Variants in DOC2B observed in about 807,000 individuals in gnomAD.
The protein encoded by DOC2B is double C2 domain beta.
Under a neutral mutation model 28.9 loss-of-function variants are expected in DOC2B, and 21 were observed. The observed-to-expected ratio is 0.73, with a 90% CI of 0.52 to 1.05. The LOEUF is 1.05. Ranked by LOEUF, DOC2B falls within the 50% of genes least tolerant of loss-of-function variation. The probability of loss-of-function intolerance (pLI) is 0.00; values close to 1 mark genes in which losing one functional copy is unlikely to be tolerated. For synonymous variants in DOC2B, 194 were observed against 178.1 expected (o/e 1.09, Z -0.71); for missense variants, 384 against 421.1 (o/e 0.91, Z 0.77).
Position 164,217 on chromosome 17 carries a change from G to C in DOC2B, c.454-13C>G, listed in dbSNP as rs2294075. 0.85 allele frequency: 1,312,593 copies of C among 1,545,254 alleles called. 558,991 individuals carry two copies. Among genetic ancestry groups the C allele is most frequent in the East Asian group, 0.9 (36,678 of 40,866 alleles). ...TTGGCTTCAGGCCCTGGGCAGAGAA[G>C]AGCAAACGGTGTGAACTGGAAATCG... is the stretch of plus-strand genomic sequence containing the variant. On this transcript the variant is annotated splice_polypyrimidine_tract_variant and intron_variant, in intron 2 of 8. Coordinates refer to ENST00000613549, the MANE Select transcript of DOC2B (RefSeq NM_003585.5).
rs1200076725 is a variant in DOC2B at position 147,549 on chromosome 17, C to T, written c.1131G>A (p.Lys377=). 5.0e-6 allele frequency: 2 copies of T among 398,752 alleles called. No individual in the cohort carries two copies. Among genetic ancestry groups the T allele is most frequent in the Non-Finnish European group, 8.8e-6 (2 of 226,248 alleles). The allele number at this position is 398,752 out of a possible 1,614,324, so 24.7% of individuals were successfully genotyped here. Residue 377 remains lysine, a synonymous_variant, in exon 9 of 9, where the codon AAG becomes AAA. Transcript: ENST00000613549. ...CAAACCAGTGCTTCAGGCGCTCCCC[C>T]TTGGCGTGGATGCCCAGAACCACAC... ...IGGVVLGIHA[K]GERLKHWFDC...
At chr17:158,380 T>G (rs2040160666) in intron 5 of DOC2B, among the ~76,000 whole-genome samples, 1 of 152,004 alleles carries the variant, frequency 6.6e-6, no homozygotes, top group Non-Finnish European at 1.5e-5. Context: ...CCCAGCCACC[T>G]CCTTTTGCCC....
chr17:163,397 G>A (rs1034121173), intron 3 of DOC2B: 1 of 152,158 alleles, frequency 6.6e-6, no homozygotes, highest in African/African-American at 2.4e-5. Flanking sequence ...GGTCCTCCTG[G>A]GCTGCTGTGG....
intron 7 of DOC2B, 123 bp from the exon 8 acceptor site, chr17:148,392 T>C: frequency 2.5e-6 from 1 of 397,212 alleles, no homozygotes; most frequent in Non-Finnish European, 4.4e-6. Context: ...GAGTGGATGA[T>C]GGGTGGATGC....
At position 181,086 on chromosome 17, in the gene DOC2B, G is replaced by C; in HGVS notation, c.373+21C>G. 1 of 1,236,246 alleles carries C rather than the reference G, an allele frequency of 8.1e-7. No homozygotes were observed. Among genetic ancestry groups the C allele is most frequent in the Non-Finnish European group, 1.0e-6 (1 of 987,852 alleles). 76.6% of individuals were successfully genotyped at this position (1,236,246 alleles called of 1,614,324 possible). ...CCCGAGCCAGGGGAGGGGGCGCGAA[G>C]TCGGCGCGTGGGAAACTTACTGCAG... On this transcript the variant is annotated intron_variant, in intron 1 of 8. Coordinates refer to ENST00000613549, the MANE Select transcript of DOC2B (RefSeq NM_003585.5). This position sits in a 1 kb window ranked among gnomAD's most constrained non-coding sequence, Gnocchi z 7.0.
chr17:149,681 T>A (rs1332338623), intron 6 of DOC2B, among the ~76,000 whole-genome samples: 1 of 152,172 alleles, frequency 6.6e-6, no homozygotes, highest in African/African-American at 2.4e-5. Flanking sequence ...AATTTTTGTA[T>A]TTTCAGTAGA....
At chr17:173,463 G>T (rs376294884) in intron 1 of DOC2B, among the ~76,000 whole-genome samples, 1 of 152,226 alleles carries the variant, frequency 6.6e-6, no homozygotes, top group Non-Finnish European at 1.5e-5. Flanking sequence ...CTCCCAGGCT[G>T]CAGGGCTGGT....
At chr17:151,376 T>C (rs541481054) in intron 6 of DOC2B, among the ~76,000 whole-genome samples, 2 of 152,350 alleles carry the variant, frequency 1.3e-5, no homozygotes, top group African/African-American at 4.8e-5. Context: ...GATTTTTTCA[T>C]ATTTTGTAAT....
Position 181,319 on chromosome 17 carries a change from G to T in DOC2B, c.161C>A (p.Ala54Glu). The T allele has an allele frequency of 8.6e-7, 1 of 1,161,880 alleles. No individual in the cohort carries two copies. The highest frequency in any genetic ancestry group is 1.1e-6 in the Non-Finnish European group (1 of 943,638). 72.0% of individuals were successfully genotyped at this position (1,161,880 alleles called of 1,614,324 possible). A position where few individuals can be genotyped will look rare whatever the true frequency, so the allele number is the denominator to read the frequency against. The change falls in exon 1 of 9, where the codon GCA becomes GAA. Residue 54 changes from alanine (A) to glutamate (E), a missense_variant. Ala to Glu is a moderately radical substitution (Grantham distance 107). Transcript: ENST00000613549. This position sits in a 1 kb window ranked among gnomAD's most constrained non-coding sequence, Gnocchi z 7.0. ...CGGGCGCGCGGGGGCGTCCGGGGGT[G>T]CAGCGGCTCGGGGCCCGGCGTCCGG... is the stretch of plus-strand genomic sequence containing the variant. The part of the protein sequence containing the change: ...LPPDAGPRAA[A>E]PPDAPARPAV...
At chr17:176,402 C>T (rs568796030) in intron 1 of DOC2B, among the ~76,000 whole-genome samples, 313 of 129,482 alleles carry the variant, frequency 2.4e-3, no homozygotes, top group African/African-American at 8.9e-3. Flanking sequence ...GCGGGGGGTG[C>T]GGGGGGGTAG....
chr17:181,126 G>T lies in DOC2B; in HGVS notation c.354C>A (p.Gly118=). 2 of 1,253,194 alleles carry T rather than the reference G, an allele frequency of 1.6e-6. No individual in the cohort carries two copies. Among genetic ancestry groups the T allele is most frequent in the Non-Finnish European group, 2.0e-6 (2 of 999,262 alleles). The allele number at this position is 1,253,194 out of a possible 1,614,324, so 77.6% of individuals were successfully genotyped here. ...ACTTACTGCAGTCGTCCGACTCGTA[G>T]CCGTCGGCGTCCGGCTCGTCCTCCG... The part of the protein sequence containing the change: ...KPPEDEPDAD[G]YESDDCTALG... Residue 118 remains glycine (G), a synonymous_variant, in exon 1 of 9, where the codon GGC becomes GGA. Transcript: ENST00000613549. This position sits in a 1 kb window ranked among gnomAD's most constrained non-coding sequence, Gnocchi z 7.0.
rs1487519780 is a variant in DOC2B, at chr17:164,197, T to C, written c.461A>G (p.Lys154Arg). ...TGCCAGCCCATTGTGGTCCATTGGC[T>C]TCAGGCCCTGGGCAGAGAAGAGCAA... ...HCTITKAKGL[K>R]PMDHNGLADP... is the part of the protein sequence containing the mutation. The change falls in exon 3 of 9, where the codon AAG becomes AGG. Residue 154 changes from lysine (K) to arginine (R), a missense_variant. By Grantham distance (26) the Lys-to-Arg change is conservative. Coordinates refer to ENST00000613549, the MANE Select transcript of DOC2B (RefSeq NM_003585.5). 7.1e-6 allele frequency: 11 copies of C among 1,552,786 alleles called. No individual in the cohort carries two copies. Among genetic ancestry groups the C allele is most frequent in the African/African-American group, 1.4e-5 (1 of 73,228 alleles).
At chr17:176,961 G>T (rs566563100) in intron 1 of DOC2B, among the ~76,000 whole-genome samples, 1 of 151,504 alleles carries the variant, frequency 6.6e-6, no homozygotes, top group Non-Finnish European at 1.5e-5. Context: ...AGACCTGACA[G>T]CATCATCATA....
Position 181,358 on chromosome 17 carries a change from G to A in DOC2B, c.122C>T (p.Pro41Leu). ...CCCGGCGTCCGGGGGCAGGCCCCGC[G>A]GGAAGCGGGGGAAGTAGTCGGAGAT... ...KQISDYFPRF[P>L]RGLPPDAGPR... is the part of the protein sequence containing the mutation. Residue 41 changes from proline (P) to leucine (L), a missense_variant, in exon 1 of 9, where the codon CCG (proline) becomes CTG (leucine). Coordinates refer to ENST00000613549, the MANE Select transcript of DOC2B (RefSeq NM_003585.5). This position sits in a 1 kb window ranked among gnomAD's most constrained non-coding sequence, Gnocchi z 7.0. 1 of 1,128,196 alleles carries A rather than the reference G, an allele frequency of 8.9e-7. No individual in the cohort carries two copies. The highest frequency in any genetic ancestry group is 1.1e-6 in the Non-Finnish European group (1 of 921,002). 69.9% of individuals were successfully genotyped at this position (1,128,196 alleles called of 1,614,324 possible). A position where few individuals can be genotyped will look rare whatever the true frequency, so the allele number is the denominator to read the frequency against.
chr17:162,728 C>T (rs1044395360), intron 3 of DOC2B, among the ~76,000 whole-genome samples: 1 of 152,234 alleles, frequency 6.6e-6, no homozygotes, highest in Admixed American at 6.5e-5. Context: ...CCGTAGGAGG[C>T]TCATCCAAGG....
At chr17:179,213 G>A (rs2151478412) in intron 1 of DOC2B, among the ~76,000 whole-genome samples, 1 of 152,278 alleles carries the variant, frequency 6.6e-6, no homozygotes, top group East Asian at 1.9e-4. Context: ...ATCCAGCTCT[G>A]CCCTGCACTG....
chr17:172,231 C>A (rs1567537576), intron 2 of DOC2B, among the ~76,000 whole-genome samples: 1 of 152,028 alleles, frequency 6.6e-6, no homozygotes, highest in African/African-American at 2.4e-5. Flanking sequence ...CAGACATCAC[C>A]CTGCCCCTCT....
intron 6 of DOC2B, among the ~76,000 whole-genome samples, chr17:155,153 G>C (rs1555522272): frequency 1.3e-5 from 2 of 152,044 alleles, no homozygotes; most frequent in Admixed American, 1.3e-4. Flanking sequence ...CACTACACCA[G>C]GCTAATTTTT....
intron 5 of DOC2B, 24 bp from the exon 6 acceptor site, chr17:156,401 G>T: frequency 4.5e-6 from 7 of 1,549,542 alleles, no homozygotes; most frequent in Non-Finnish European, 6.1e-6. Flanking sequence ...CGGTCACTCA[G>T]TCCTCACCTG....
Sources: gnomAD v4.1 joint callset for allele counts (sites outside exome capture counted in the v4.1 genomes callset) on GRCh38, gnomAD v4.1.1 for gene constraint, Gnocchi (gnomAD v3.1) non-coding constraint, MANE v1.5 for transcripts, NCBI Gene and HGNC (gene_info 2026-07-23, HGNC 2026-07-21) for gene names.